The following MAPK9 variants were observed in gnomAD, a reference collection of about 807,000 sequenced individuals.
MAPK9 encodes Jun kinase.
MAPK9 carries 30 observed loss-of-function variants against 57.1 expected under a neutral mutation model. The observed-to-expected ratio is 0.53, with a 90% CI of 0.39 to 0.71. The LOEUF (loss-of-function observed/expected upper bound fraction) is 0.71. Among genes scored for constraint, MAPK9 ranks in the 30% least tolerant of loss-of-function variants. MAPK9 has a pLI of 0.00. For missense variants in MAPK9, 362 were observed against 521.0 expected (o/e 0.69, Z 2.97); for synonymous variants, 155 against 177.0 (o/e 0.88, Z 0.99).
At chr5:180,270,236 C>A (rs1245955478) in intron 2 of MAPK9, among the ~76,000 whole-genome samples, 1 of 152,162 alleles carries the variant, frequency 6.6e-6, no homozygotes. Flanking sequence ...AATACTGTTT[C>A]TATTTCTTTA....
intron 2 of MAPK9, chr5:180,279,687 AAAAAAG>A (rs1173658331): frequency 1.9e-5 from 7 of 361,740 alleles, no homozygotes; most frequent in South Asian, 8.3e-5. Flanking sequence ...ATTGACCAAA[AAAAAAG>A]AAAAAGAAAA....
At chr5:180,268,295 T>C (rs1581255834) in intron 3 of MAPK9, among the ~76,000 whole-genome samples, 1 of 152,338 alleles carries the variant, frequency 6.6e-6, no homozygotes, top group Non-Finnish European at 1.5e-5. Flanking sequence ...CTACTCTAAA[T>C]GTAACATCAT....
At chr5:180,259,884 T>C (rs1400665250) in intron 5 of MAPK9, among the ~76,000 whole-genome samples, 2 of 152,244 alleles carry the variant, frequency 1.3e-5, no homozygotes, top group Non-Finnish European at 2.9e-5. Flanking sequence ...AAAAAACTCA[T>C]ACTCTGTAGA....
Position 180,242,472 on chromosome 5 carries a change from CTT to C in MAPK9, c.871+99_871+100del, listed in dbSNP as rs566594611. The C allele has an allele frequency of 9.4e-3, 10,775 of 1,146,212 alleles. 77 individuals are homozygous for C. Among genetic ancestry groups the C allele is most frequent in the Non-Finnish European group, 0.012 (9,660 of 812,130 alleles). 71.0% of individuals were successfully genotyped at this position (1,146,212 alleles called of 1,614,324 possible). A position where few individuals can be genotyped will look rare whatever the true frequency, so the allele number is the denominator to read the frequency against. On this transcript the variant is annotated intron_variant, in intron 8 of 11. Transcript: ENST00000452135. ...ACCTCAGACTTCAGGCCTAAAATGA[CTT>C]TCTCTCCCAAAACACAGGTTTTTAG...
intron 5 of MAPK9, among the ~76,000 whole-genome samples, chr5:180,259,266 A>T (rs192802721): frequency 0.011 from 1,662 of 151,082 alleles, 28 homozygotes; most frequent in African/African-American, 0.038. Context: ...ACATGAAAGA[A>T]CTCACACTGG....
Position 180,248,991 on chromosome 5 carries a change from T to C in MAPK9, c.598A>G (p.Met200Val). Residue 200 changes from methionine to valine, a missense_variant, in exon 6 of 12, where the codon ATG becomes GTG. By Grantham distance (21) the Met-to-Val change is conservative (BLOSUM62 1). This residue lies in a region of MAPK9 where 127 missense variants were observed against 231.7 expected (regional missense o/e 0.55). Coordinates refer to ENST00000452135, the MANE Select transcript of MAPK9 (RefSeq NM_002752.5). ...TACTCACCGTTCTCTTTGTAGCCCATACCCAGGATGACTTCGGGCGCCCGG... is the reference window on the plus strand; with the variant it reads ...TACTCACCGTTCTCTTTGTAGCCCACACCCAGGATGACTTCGGGCGCCCGG... ...YYRAPEVILG[M>V]GYKENVDIWS... 9 of 1,612,802 alleles carry C rather than the reference T, an allele frequency of 5.6e-6. No homozygotes were observed. Among genetic ancestry groups the C allele is most frequent in the Non-Finnish European group, 7.6e-6 (9 of 1,179,246 alleles).
At chr5:180,238,519 T>C (rs1757369488) in intron 10 of MAPK9, 116 bp from the exon 11 acceptor site, 3 of 742,576 alleles carry the variant, frequency 4.0e-6, no homozygotes, top group Non-Finnish European at 6.8e-6. Flanking sequence ...TTATTTTTAA[T>C]TGTAAGACAG....
intron 2 of MAPK9, among the ~76,000 whole-genome samples, chr5:180,276,637 C>G (rs1213101677): frequency 6.6e-6 from 1 of 152,152 alleles, no homozygotes; most frequent in Non-Finnish European, 1.5e-5. Flanking sequence ...GGGCAGATCA[C>G]GAGATCAAGA....
intron 2 of MAPK9, among the ~76,000 whole-genome samples, chr5:180,269,938 T>C (rs556411453): frequency 6.6e-6 from 1 of 152,346 alleles, no homozygotes; most frequent in Non-Finnish European, 1.5e-5. Flanking sequence ...ATGTTCAAGA[T>C]ACAAAATCTC....
At chr5:180,279,574 A>G (rs2127620480) in intron 2 of MAPK9, among the ~76,000 whole-genome samples, 1 of 152,320 alleles carries the variant, frequency 6.6e-6, no homozygotes, top group Admixed American at 6.5e-5. Flanking sequence ...TAGAGCATCG[A>G]AAAGAGCTTT....
intron 7 of MAPK9, chr5:180,246,225 T>G (rs964997560): frequency 2.0e-5 from 3 of 152,178 alleles, no homozygotes; most frequent in South Asian, 2.1e-4. Context: ...CCCTTTTTAA[T>G]TAAGTTTACT....
At chr5:180,266,241 T>C (rs1760535179) in intron 3 of MAPK9, among the ~76,000 whole-genome samples, 1 of 151,662 alleles carries the variant, frequency 6.6e-6, no homozygotes, top group African/African-American at 2.4e-5. Context: ...ATTTATCAAA[T>C]TGGCAAAAGC....
At chr5:180,240,018 G>C in intron 9 of MAPK9, 31 bp from the exon 10 acceptor site, 3 of 1,563,692 alleles carry the variant, frequency 1.9e-6, no homozygotes, top group Non-Finnish European at 2.6e-6. Context: ...AAAGTCAACA[G>C]TAATGCCTCA....
intron 2 of MAPK9, among the ~76,000 whole-genome samples, chr5:180,273,316 T>C (rs1469927993): frequency 6.6e-6 from 1 of 152,244 alleles, no homozygotes; most frequent in African/African-American, 2.4e-5. Context: ...TTTCAGTTTC[T>C]TGATCTTGGT....
At chr5:180,268,119 C>T (rs879430403) in intron 3 of MAPK9, among the ~76,000 whole-genome samples, 5 of 152,244 alleles carry the variant, frequency 3.3e-5, no homozygotes, top group Admixed American at 2.6e-4. Flanking sequence ...CCACTGCACC[C>T]GGCCAACATT....
intron 7 of MAPK9, among the ~76,000 whole-genome samples, chr5:180,245,025 T>C (rs775320560): frequency 3.3e-5 from 5 of 152,120 alleles, no homozygotes; most frequent in Non-Finnish European, 5.9e-5. Flanking sequence ...CGTGAGTGCC[T>C]TCTCCATTTC....
At position 180,247,732 on chromosome 5, in the gene MAPK9, A is replaced by AAAAC. The variant is rs547917857; in HGVS notation, c.617-226_617-223dup. Reference sequence around the variant, plus strand: ...CAAAGAGTCCAATACTTTATAGCTTAAAACAAACAAACAAACAAACAAAAA... The same window carrying AAAAC: ...CAAAGAGTCCAATACTTTATAGCTTAAAACAAACAAACAAACAAACAAACAAAAA... On this transcript the variant is annotated intron_variant, in intron 6 of 11. Transcript: ENST00000452135. This position sits in a 1 kb window ranked among gnomAD's most constrained non-coding sequence, Gnocchi z 4.5. 4.3e-4 allele frequency: 493 copies of AAAAC among 1,147,244 alleles called. 5 individuals carry two copies. In the South Asian group the frequency reaches 4.4e-3, roughly 10 times the overall value. 71.1% of individuals were successfully genotyped at this position (1,147,244 alleles called of 1,614,324 possible).
intron 1 of MAPK9, 130 bp downstream of exon 1, chr5:180,291,718 C>T (rs1197312088): frequency 6.6e-6 from 1 of 150,474 alleles, no homozygotes; most frequent in East Asian, 1.9e-4. Context: ...GGGGCGACGG[C>T]TGCGGCTGCC....
rs542025295 is a variant in MAPK9 at position 180,258,753 on chromosome 5, G to A, written c.450+2931C>T. 3.6e-4 allele frequency among the ~76,000 whole-genome samples: 54 copies of A among 151,536 alleles called. 1 individual carries two copies. The highest frequency in any genetic ancestry group is 7.8e-4 in the East Asian group (4 of 5,154). On this transcript the variant is annotated intron_variant, in intron 5 of 11. Coordinates refer to ENST00000452135, the MANE Select transcript of MAPK9 (RefSeq NM_002752.5). ...ATGAATATAAAAAATGTGGCTGGGCGCAGTGGCTCACACCTGTAATCCCAG... is the reference window on the plus strand; with the variant it reads ...ATGAATATAAAAAATGTGGCTGGGCACAGTGGCTCACACCTGTAATCCCAG...
Sources: gnomAD v4.1 joint callset for allele counts (sites outside exome capture counted in the v4.1 genomes callset) on GRCh38, gnomAD v4.1.1 for gene constraint, gnomAD v4.1.1 regional missense constraint, Gnocchi (gnomAD v3.1) non-coding constraint, MANE v1.5 for transcripts, NCBI Gene and HGNC (gene_info 2026-07-23, HGNC 2026-07-21) for gene names.